Variants in KCTD19 observed in about 807,000 individuals in gnomAD.
KCTD19 encodes the protein BTB/POZ domain-containing protein KCTD19.
A neutral mutation model predicts 103.5 loss-of-function variants in KCTD19; 67 were observed. That is an observed-to-expected ratio of 0.65 (90% CI 0.53 to 0.79). KCTD19 has a LOEUF of 0.79. Ranked by LOEUF, KCTD19 falls within the 30% of genes least tolerant of loss-of-function variation. KCTD19 has a pLI of 0.00. For synonymous variants in KCTD19, 439 were observed against 452.2 expected (o/e 0.97, Z 0.37); for missense variants, 980 against 1,136.1 (o/e 0.86, Z 1.98).
intron 4 of KCTD19, chr16:67,302,418 C>G (rs931630530): frequency 6.2e-6 from 1 of 161,082 alleles, no homozygotes; most frequent in African/African-American, 2.4e-5. Context: ...TCACAGACAA[C>G]TTTCTAGGTG....
chr16:67,289,760 A>T, intron 15 of KCTD19, 78 bp from the exon 16 acceptor site: 1 of 1,098,582 alleles, frequency 9.1e-7, no homozygotes, highest in Non-Finnish European at 1.4e-6. Flanking sequence ...GGGTTCTCCC[A>T]TTGGGGCAGG....
intron 4 of KCTD19, chr16:67,302,784 T>C (rs191584165): frequency 2.0e-4 from 47 of 241,000 alleles, no homozygotes; most frequent in Middle Eastern, 1.3e-3. Context: ...TGAGAGGAAC[T>C]GAGGCCGGAA....
intron 8 of KCTD19, chr16:67,295,655 CCTT>C (rs2036756675): frequency 2.5e-6 from 1 of 400,236 alleles, no homozygotes; most frequent in Non-Finnish European, 4.5e-6. Context: ...CACCGTACCT[CCTT>C]CTCAGTCCAG....
Position 67,290,989 on chromosome 16 carries a change from GC to G in KCTD19, c.2566-4del, listed in dbSNP as rs2036683751. On this transcript the variant is annotated splice_region_variant and splice_polypyrimidine_tract_variant and intron_variant, in intron 14 of 15. Transcript: ENST00000304372. ...TGCTTGGGGCTGATGTGCAGGGTCT[GC>G]CAGGAGAGCCCACAGTCAGGCAGTG... is the stretch of plus-strand genomic sequence containing the variant. 6.2e-7 allele frequency: 1 copy of G among 1,613,802 alleles called. No homozygotes were observed. Among genetic ancestry groups the G allele is most frequent in the South Asian group, 1.1e-5 (1 of 91,038 alleles).
Position 67,303,108 on chromosome 16 carries a change from C to CTGGGGGGGCGG in KCTD19, c.643+37_643+38insCCGCCCCCCCA. ...ATGGGGAGGGGTGAATGGGCCCTATCAGCCCGCCCCCCACCCCACCCCGGA... is the reference window on the plus strand; with the variant it reads ...ATGGGGAGGGGTGAATGGGCCCTATCTGGGGGGGCGGAGCCCGCCCCCCACCCCACCCCGGA... On this transcript the variant is annotated intron_variant, in intron 4 of 15. Transcript: ENST00000304372. This position sits in a 1 kb window ranked among gnomAD's most constrained non-coding sequence, Gnocchi z 4.3. 1 of 798,078 alleles carries CTGGGGGGGCGG rather than the reference C, an allele frequency of 1.3e-6. No homozygotes were observed. The highest frequency in any genetic ancestry group is 1.8e-5 in the African/African-American group (1 of 56,750). The allele number at this position is 798,078 out of a possible 1,614,324, so 49.4% of individuals were successfully genotyped here.
At chr16:67,298,679 G>A in intron 6 of KCTD19, among the ~76,000 whole-genome samples, 1 of 152,126 alleles carries the variant, frequency 6.6e-6, no homozygotes, top group East Asian at 1.9e-4. Flanking sequence ...AACAATATTG[G>A]GAAAAGACAG....
intron 2 of KCTD19, 41 bp from the exon 3 acceptor site, chr16:67,304,612 A>T: frequency 1.3e-6 from 2 of 1,550,522 alleles, no homozygotes; most frequent in Non-Finnish European, 1.8e-6. Flanking sequence ...AATCTAAACC[A>T]AGTAACTATG....
chr16:67,303,133 A>G lies in KCTD19; in HGVS notation c.643+13T>C. On this transcript the variant is annotated intron_variant, in intron 4 of 15. Transcript: ENST00000304372. The surrounding 1 kb of genome is among the most constrained non-coding windows in gnomAD (Gnocchi z 4.3). ...CAGCCCGCCCCCCACCCCACCCCGG[A>G]CAGAGCAATCACCAATGAAGCGGAA... The G allele has an allele frequency of 1.7e-6, 1 of 596,254 alleles. No individual in the cohort carries two copies. Among genetic ancestry groups the G allele is most frequent in the Non-Finnish European group, 3.0e-6 (1 of 337,750 alleles). The allele number at this position is 596,254 out of a possible 1,614,324, so 36.9% of individuals were successfully genotyped here.
chr16:67,321,516 C>A (rs2037072281), intron 1 of KCTD19: 1 of 152,154 alleles, frequency 6.6e-6, no homozygotes, highest in Non-Finnish European at 1.5e-5. Flanking sequence ...AAATTCAACA[C>A]AATCTCTGTG....
At position 67,323,002 on chromosome 16, in the gene KCTD19, C is replaced by A. The variant is rs561984187; in HGVS notation, c.4-2117G>T. On this transcript the variant is annotated intron_variant, in intron 1 of 15. Coordinates refer to ENST00000304372, the MANE Select transcript of KCTD19 (RefSeq NM_001100915.3). The surrounding 1 kb of genome is among the most constrained non-coding windows in gnomAD (Gnocchi z 4.1). Reference sequence around the variant, plus strand: ...GAGAAATGCAAATCAAAACCCACAACAGAATACTACTTCACACCCATTAGT... The same window carrying A: ...GAGAAATGCAAATCAAAACCCACAAAAGAATACTACTTCACACCCATTAGT... Among the ~76,000 whole-genome samples, 102 of 152,158 alleles carry A rather than the reference C, an allele frequency of 6.7e-4. No individual in the cohort carries two copies. The highest frequency in any genetic ancestry group is 1.2e-3 in the Non-Finnish European group (81 of 68,032).
chr16:67,297,554 C>T lies in KCTD19; in HGVS notation c.1096G>A (p.Ala366Thr). 1 of 1,614,098 alleles carries T rather than the reference C, an allele frequency of 6.2e-7. No individual in the cohort carries two copies. Among genetic ancestry groups the T allele is most frequent in the Non-Finnish European group, 8.5e-7 (1 of 1,180,018 alleles). Residue 366 changes from alanine (A) to threonine (T), a missense_variant, in exon 7 of 16, where the codon GCT becomes ACT. By Grantham distance (58) the Ala-to-Thr change is moderately conservative (BLOSUM62 0). Coordinates refer to ENST00000304372, the MANE Select transcript of KCTD19 (RefSeq NM_001100915.3). ...RDITYEPIKV[A>T]LKTHLEPRTL... Reference sequence around the variant, plus strand: ...CTTGGCTCCAGATGAGTCTTCAAAGCAACTTTGATTGGCTCGTAGGTGATG... The same window carrying T: ...CTTGGCTCCAGATGAGTCTTCAAAGTAACTTTGATTGGCTCGTAGGTGATG...
chr16:67,297,734 T>C (rs2036782678), intron 6 of KCTD19, 71 bp from the exon 7 acceptor site: 4 of 1,480,394 alleles, frequency 2.7e-6, no homozygotes, highest in Admixed American at 3.8e-5. Context: ...CTGTAAACTT[T>C]CCATGCCTAG....
rs2037060352 is a variant in KCTD19 at position 67,320,527 on chromosome 16, A to G, written c.300+62T>C. The G allele has an allele frequency of 6.7e-7, 1 of 1,501,284 alleles. No homozygotes were observed. Among genetic ancestry groups the G allele is most frequent in the Admixed American group, 1.9e-5 (1 of 53,082 alleles). The allele number at this position is 1,501,284 out of a possible 1,614,324, so 93.0% of individuals were successfully genotyped here. A position where few individuals can be genotyped will look rare whatever the true frequency, so the allele number is the denominator to read the frequency against. On this transcript the variant is annotated intron_variant, in intron 2 of 15. Transcript: ENST00000304372. The surrounding 1 kb of genome is among the most constrained non-coding windows in gnomAD (Gnocchi z 4.0). Reference sequence around the variant, plus strand: ...AGCAACCAATATATAACAGGAAACAATATTTAGTGATGTAAAGCCATGTTA... The same window carrying G: ...AGCAACCAATATATAACAGGAAACAGTATTTAGTGATGTAAAGCCATGTTA...
At chr16:67,304,294 A>G in intron 3 of KCTD19, 127 bp downstream of exon 3, 2 of 913,554 alleles carry the variant, frequency 2.2e-6, no homozygotes, top group Non-Finnish European at 1.7e-6. Context: ...AGAAGATCAA[A>G]GGAGATGACA....
In KCTD19 at chr16:67,300,277, G is replaced by GA; in HGVS notation, c.776-705dup. 1 of 152,284 alleles carries GA rather than the reference G, an allele frequency of 6.6e-6. No homozygotes were observed. Among genetic ancestry groups the GA allele is most frequent in the Non-Finnish European group, 1.5e-5 (1 of 68,070 alleles). The allele number at this position is 152,284 out of a possible 1,614,324, so 9.4% of individuals were successfully genotyped here. ...TTTCACGTTGAAGAACCTGCCCTGA[G>GA]AGGCTAATGAAGTATCTTGCCCTAA... On this transcript the variant is annotated intron_variant, in intron 5 of 15. Coordinates refer to ENST00000304372, the MANE Select transcript of KCTD19 (RefSeq NM_001100915.3). This position sits in a 1 kb window ranked among gnomAD's most constrained non-coding sequence, Gnocchi z 4.5.
Position 67,301,888 on chromosome 16 carries a change from C to T in KCTD19, c.678G>A (p.Pro226=), listed in dbSNP as rs769375145. 6 of 1,613,308 alleles carry T rather than the reference C, an allele frequency of 3.7e-6. No homozygotes were observed. The highest frequency in any genetic ancestry group is 2.2e-5 in the East Asian group (1 of 44,878). ...ATACATCAATGTTGGAGAAATTATC[C>T]GGTAGTAAAATCTTCTGTGAGCGAA... ...NFLRSQKILL[P]DNFSNIDVLE... Residue 226 remains proline (P), a synonymous_variant, in exon 5 of 16, where the codon CCG becomes CCA. Transcript: ENST00000304372.
chr16:67,293,803 C>T lies in KCTD19; in HGVS notation c.1959G>A (p.Gln653=), dbSNP rs2036729715. 1 of 1,613,770 alleles carries T rather than the reference C, an allele frequency of 6.2e-7. No homozygotes were observed. Among genetic ancestry groups the T allele is most frequent in the African/African-American group, 1.3e-5 (1 of 75,022 alleles). The part of the protein sequence containing the change: ...DMVNCKQWEF[Q]PLTATRSSPL... ...GGCTGCTCCGTGTGGCTGTCAGTGG[C>T]TGGAATTCCCACTGTTTGCAATTGA... The change falls in exon 12 of 16, where the codon CAG becomes CAA. Residue 653 remains glutamine (Q), a synonymous_variant. Transcript: ENST00000304372. The surrounding 1 kb of genome is among the most constrained non-coding windows in gnomAD (Gnocchi z 4.0).
chr16:67,291,682 T>A lies in KCTD19; in HGVS notation c.2374A>T (p.Arg792Trp), dbSNP rs752495830. 1 of 1,614,054 alleles carries A rather than the reference T, an allele frequency of 6.2e-7. No individual in the cohort carries two copies. Among genetic ancestry groups the A allele is most frequent in the East Asian group, 2.2e-5 (1 of 44,868 alleles). ...GGACTGGCTGTGGGTGTTGTGTGCC[T>A]GAGGTTGTCCATCTCCGTGGTATAG... ...IIYTTEMDNL[R>W]HTTPTASPQP... is the part of the protein sequence containing the mutation. Residue 792 changes from arginine to tryptophan, a missense_variant, in exon 13 of 16, where the codon AGG (arginine) becomes TGG (tryptophan). Coordinates refer to ENST00000304372, the MANE Select transcript of KCTD19 (RefSeq NM_001100915.3).
rs766167431 is a variant in KCTD19, at chr16:67,293,594, T to C, written c.2168A>G (p.Lys723Arg). The change falls in exon 12 of 16, where the codon AAA becomes AGA. Residue 723 changes from lysine (K) to arginine (R), a missense_variant. Coordinates refer to ENST00000304372, the MANE Select transcript of KCTD19 (RefSeq NM_001100915.3). The surrounding 1 kb of genome is among the most constrained non-coding windows in gnomAD (Gnocchi z 4.0). The stretch of plus-strand genomic sequence containing the variant: ...CCAGTCCTTCAGGGTGCCAGCTCTT[T>C]TTGGGGGTAAGTATGGCTTGAAGGT... ...EPTFKPYLPP[K>R]RAGTLKDWSK... The C allele has an allele frequency of 1.5e-5, 25 of 1,613,866 alleles. No individual in the cohort carries two copies. Among genetic ancestry groups the C allele is most frequent in the African/African-American group, 4.0e-5 (3 of 74,862 alleles).
Sources: gnomAD v4.1 joint callset for allele counts (sites outside exome capture counted in the v4.1 genomes callset) on GRCh38, gnomAD v4.1.1 for gene constraint, Gnocchi (gnomAD v3.1) non-coding constraint, MANE v1.5 for transcripts, NCBI Gene and HGNC (gene_info 2026-07-23, HGNC 2026-07-21) for gene names.